The following GPCPD1 variants were observed in gnomAD, a reference collection of about 807,000 sequenced individuals.
The protein encoded by GPCPD1 is glycerophosphocholine phosphodiesterase 1.
Under a neutral mutation model 89.2 loss-of-function variants are expected in GPCPD1, and 29 were observed. The observed-to-expected ratio is 0.33, with a 90% CI of 0.24 to 0.44. The LOEUF (loss-of-function observed/expected upper bound fraction) is 0.44. Among genes scored for constraint, GPCPD1 ranks in the 20% least tolerant of loss-of-function variants. The pLI, the probability that GPCPD1 is intolerant of heterozygous loss-of-function variation, is 1.00. For synonymous variants in GPCPD1, 258 were observed against 266.3 expected (o/e 0.97, Z 0.30); for missense variants, 594 against 808.9 (o/e 0.73, Z 3.22).
Position 5,558,801 on chromosome 20 carries a change from G to A in GPCPD1, c.1551C>T (p.Asn517=). 1.9e-6 allele frequency: 3 copies of A among 1,571,622 alleles called. No individual in the cohort carries two copies. The highest frequency in any genetic ancestry group is 2.6e-6 in the Non-Finnish European group (3 of 1,156,716). Residue 517 remains asparagine (N), a synonymous_variant, in exon 18 of 20, where the codon AAC becomes AAT. Coordinates refer to ENST00000379019, the MANE Select transcript of GPCPD1 (RefSeq NM_019593.5). ...GAGTTAAAAATAGTATCGGATATTT[G>A]TTCTGCTTTTGCCGAACCCTGAAAA... The part of the protein sequence containing the change: ...DICTMVRQKQ[N]KYPILFLTQG...
intron 16 of GPCPD1, 138 bp downstream of exon 16, chr20:5,561,327 A>G: frequency 2.0e-6 from 1 of 504,918 alleles, no homozygotes; most frequent in East Asian, 3.1e-5. Flanking sequence ...AAAGGGTCCA[A>G]TAAGCATTGT....
intron 6 of GPCPD1, among the ~76,000 whole-genome samples, chr20:5,582,837 G>A (rs1452397998): frequency 1.3e-5 from 2 of 151,762 alleles, no homozygotes; most frequent in African/African-American, 2.4e-5. Flanking sequence ...TGCAGCAAGC[G>A]GAGATTGCGC....
intron 1 of GPCPD1, among the ~76,000 whole-genome samples, chr20:5,607,698 C>T (rs1175989490): frequency 6.6e-6 from 1 of 151,990 alleles, no homozygotes; most frequent in East Asian, 1.9e-4. Context: ...GTGGCTCACG[C>T]CTATAATCCG....
chr20:5,555,366 C>G (rs367799399), intron 19 of GPCPD1, among the ~76,000 whole-genome samples: 2 of 152,090 alleles, frequency 1.3e-5, no homozygotes, highest in Non-Finnish European at 2.9e-5. Context: ...TGGTGAAACC[C>G]TGTCTCTACC....
At chr20:5,601,712 T>C (rs1348030040) in intron 2 of GPCPD1, among the ~76,000 whole-genome samples, 2 of 152,106 alleles carry the variant, frequency 1.3e-5, no homozygotes, top group Non-Finnish European at 2.9e-5. Context: ...CATGGACTCG[T>C]TATTTCTCAT....
At chr20:5,562,094 TCTAAA>T (rs1986117201) in intron 15 of GPCPD1, among the ~76,000 whole-genome samples, 1 of 152,156 alleles carries the variant, frequency 6.6e-6, no homozygotes, top group Non-Finnish European at 1.5e-5. Context: ...TATCAGTGTA[TCTAAA>T]CTAAATTATC....
chr20:5,607,840 C>T, intron 1 of GPCPD1, among the ~76,000 whole-genome samples: 1 of 150,208 alleles, frequency 6.7e-6, no homozygotes, highest in South Asian at 2.1e-4. Context: ...AAAAAAAAAG[C>T]CTGACATTTA....
intron 16 of GPCPD1, 151 bp downstream of exon 16, chr20:5,561,314 T>C: frequency 2.2e-6 from 1 of 458,800 alleles, no homozygotes. Context: ...ATATGTTTTA[T>C]TTAAAGGGTC....
intron 19 of GPCPD1, among the ~76,000 whole-genome samples, chr20:5,557,653 T>C (rs1265693241): frequency 6.6e-6 from 1 of 152,016 alleles, no homozygotes; most frequent in Admixed American, 6.6e-5. Flanking sequence ...ACAAGAGGAA[T>C]GAAAAAGTTG....
intron 15 of GPCPD1, 55 bp downstream of exon 15, chr20:5,564,962 T>G: frequency 1.2e-6 from 1 of 835,740 alleles, no homozygotes; most frequent in African/African-American, 1.7e-5. Context: ...AAGTAAATTA[T>G]TCATACATGA....
chr20:5,581,518 G>A (rs1030022664), intron 6 of GPCPD1, among the ~76,000 whole-genome samples: 4 of 152,104 alleles, frequency 2.6e-5, no homozygotes, highest in African/African-American at 4.8e-5. Flanking sequence ...CACTAGTGCC[G>A]GGGGTGTGAG....
At chr20:5,584,887 C>T (rs1978808705) in intron 5 of GPCPD1, 1 of 152,518 alleles carries the variant, frequency 6.6e-6, no homozygotes, top group Non-Finnish European at 1.5e-5. Context: ...AATTTCAACT[C>T]AATGAGAAAA....
At chr20:5,601,516 G>A (rs1347952460) in intron 2 of GPCPD1, among the ~76,000 whole-genome samples, 2 of 151,612 alleles carry the variant, frequency 1.3e-5, no homozygotes, top group Non-Finnish European at 2.9e-5. Flanking sequence ...CTACAGGCAC[G>A]CACCATCATG....
chr20:5,589,941 C>A (rs140748633), intron 4 of GPCPD1, among the ~76,000 whole-genome samples: 17 of 152,230 alleles, frequency 1.1e-4, no homozygotes, highest in African/African-American at 3.9e-4. Context: ...TAATGTCACA[C>A]GACTGTAGAA....
chr20:5,549,748 CAAAAA>C (rs397864689), intron 19 of GPCPD1, among the ~76,000 whole-genome samples: 155 of 95,590 alleles, frequency 1.6e-3, no homozygotes, highest in African/African-American at 5.7e-3. Flanking sequence ...GAACCTGCCT[CAAAAA>C]AAAAAAAAAA....
At position 5,544,567 on chromosome 20, in the gene GPCPD1, A is replaced by G. The variant is rs1164432368; in HGVS notation, c.*3094T>C. On this transcript the variant is annotated 3_prime_UTR_variant, in exon 20 of 20. Coordinates refer to ENST00000379019, the MANE Select transcript of GPCPD1 (RefSeq NM_019593.5). Reference sequence around the variant, plus strand: ...TTACTGGAGAATATAACAGGCACATAAGAAGCTGGACTACAAGGAAGCATG... The same window carrying G: ...TTACTGGAGAATATAACAGGCACATGAGAAGCTGGACTACAAGGAAGCATG... 1 of 152,250 alleles carries G rather than the reference A, an allele frequency of 6.6e-6. No homozygotes were observed. Among genetic ancestry groups the G allele is most frequent in the Non-Finnish European group, 1.5e-5 (1 of 68,052 alleles). 9.4% of individuals were successfully genotyped at this position (152,250 alleles called of 1,614,324 possible).
At chr20:5,565,908 T>C (rs1001124962) in intron 14 of GPCPD1, among the ~76,000 whole-genome samples, 4 of 152,046 alleles carry the variant, frequency 2.6e-5, no homozygotes, top group African/African-American at 9.7e-5. Context: ...AAATATCAAG[T>C]TTTTCTTAAA....
Position 5,567,870 on chromosome 20 carries a change from C to T in GPCPD1, c.1150-310G>A, listed in dbSNP as rs1352451912. 1.8e-5 allele frequency: 4 copies of T among 224,468 alleles called. No individual in the cohort carries two copies. In the South Asian group the frequency reaches 4.1e-4, roughly 23 times the overall value. 13.9% of individuals were successfully genotyped at this position (224,468 alleles called of 1,614,324 possible). A position where few individuals can be genotyped will look rare whatever the true frequency, so the allele number is the denominator to read the frequency against. Reference sequence around the variant, plus strand: ...GAGGATAGAACCAGAAGTCAGTCATCTCCCCTACTTCCTGTTATGCTGTCT... The same window carrying T: ...GAGGATAGAACCAGAAGTCAGTCATTTCCCCTACTTCCTGTTATGCTGTCT... On this transcript the variant is annotated intron_variant, in intron 12 of 19. Coordinates refer to ENST00000379019, the MANE Select transcript of GPCPD1 (RefSeq NM_019593.5).
intron 7 of GPCPD1, among the ~76,000 whole-genome samples, 196 bp from the exon 8 acceptor site, chr20:5,578,807 T>C (rs2122681140): frequency 6.6e-6 from 1 of 152,274 alleles, no homozygotes; most frequent in Non-Finnish European, 1.5e-5. Context: ...CTGATGTTAT[T>C]ATCTACACAT....
Sources: allele counts gnomAD v4.1 joint callset (sites outside exome capture counted in the v4.1 genomes callset), GRCh38; gene constraint gnomAD v4.1.1; transcripts MANE v1.5; gene names NCBI Gene and HGNC (gene_info 2026-07-23, HGNC 2026-07-21).